The following PKIB variants were observed in gnomAD, a reference collection of about 807,000 sequenced individuals.
PKIB encodes the protein cAMP-dependent protein kinase inhibitor beta.
Under a neutral mutation model 4.5 loss-of-function variants are expected in PKIB, and 2 were observed. The ratio of observed to expected loss-of-function variants is 0.44; its 90% CI spans 0.18 to 1.39. PKIB has a LOEUF of 1.39. Among genes scored for constraint, PKIB ranks in the 40% most tolerant of loss-of-function variants. The pLI is 0.27. For missense variants in PKIB, 94 were observed against 92.6 expected, an observed-to-expected ratio of 1.02 and a Z score of -0.06; for synonymous variants, 38 against 36.0, an observed-to-expected ratio of 1.06 and a Z score of -0.20.
chr6:122,667,192 A>G (rs757339519), intron 2 of PKIB, among the ~76,000 whole-genome samples: 1 of 152,172 alleles, frequency 6.6e-6, no homozygotes, highest in Non-Finnish European at 1.5e-5. Flanking sequence ...TTTTCAATTT[A>G]TTTTATAATT....
At chr6:122,681,786 A>G (rs973387057) in intron 3 of PKIB, among the ~76,000 whole-genome samples, 12 of 152,202 alleles carry the variant, frequency 7.9e-5, no homozygotes, top group Non-Finnish European at 1.5e-4. Context: ...ATGATTTAGA[A>G]TTTTAGGAGT....
intron 1 of PKIB, among the ~76,000 whole-genome samples, chr6:122,632,833 T>C (rs1408678887): frequency 6.6e-6 from 1 of 152,178 alleles, no homozygotes; most frequent in Non-Finnish European, 1.5e-5. Context: ...TGAGAAAGGC[T>C]ATCATTCACC....
intron 2 of PKIB, among the ~76,000 whole-genome samples, chr6:122,633,827 C>T (rs1022388024): frequency 6.6e-6 from 1 of 152,190 alleles, no homozygotes; most frequent in African/African-American, 2.4e-5. Flanking sequence ...TCAGTACCTA[C>T]AATTAAATAT....
chr6:122,710,607 T>C (rs2115052769), intron 3 of PKIB, among the ~76,000 whole-genome samples: 1 of 152,294 alleles, frequency 6.6e-6, no homozygotes, highest in Admixed American at 6.5e-5. Context: ...AAATGCTGTG[T>C]TCCCTGTGAA....
At chr6:122,559,307 CT>C (rs930913076) in intron 2 of PKIB, among the ~76,000 whole-genome samples, 1 of 151,440 alleles carries the variant, frequency 6.6e-6, no homozygotes, top group African/African-American at 2.4e-5. Context: ...ATATATGCCA[CT>C]TTCCCCACTT....
At chr6:122,496,361 T>C (rs555900457) in intron 2 of PKIB, among the ~76,000 whole-genome samples, 23 of 152,328 alleles carry the variant, frequency 1.5e-4, no homozygotes, top group African/African-American at 5.5e-4. Flanking sequence ...AAAGGATCAT[T>C]CTTTTCAGAA....
intron 2 of PKIB, among the ~76,000 whole-genome samples, chr6:122,655,010 T>C (rs945711575): frequency 6.6e-6 from 1 of 152,188 alleles, no homozygotes; most frequent in Non-Finnish European, 1.5e-5. Context: ...AGAATTTAAC[T>C]CTTTTGCCCA....
intron 2 of PKIB, among the ~76,000 whole-genome samples, chr6:122,576,469 C>A (rs2114701249): frequency 6.6e-6 from 1 of 151,752 alleles, no homozygotes; most frequent in East Asian, 1.9e-4. Context: ...GAGATCAAGA[C>A]CATCCTGGCT....
At chr6:122,620,947 C>G (rs1775201188) in intron 1 of PKIB, among the ~76,000 whole-genome samples, 1 of 152,106 alleles carries the variant, frequency 6.6e-6, no homozygotes, top group Non-Finnish European at 1.5e-5. Flanking sequence ...GAGACCAGAT[C>G]CAGACCACCT....
chr6:122,670,808 A>G (rs1777433668), intron 2 of PKIB, among the ~76,000 whole-genome samples: 1 of 152,068 alleles, frequency 6.6e-6, no homozygotes, highest in Non-Finnish European at 1.5e-5. Flanking sequence ...GATTGTGTTC[A>G]CCATTGTAGT....
chr6:122,532,096 C>G (rs907475368), intron 2 of PKIB, among the ~76,000 whole-genome samples: 12 of 152,110 alleles, frequency 7.9e-5, no homozygotes, highest in African/African-American at 2.9e-4. Flanking sequence ...ATTTATGCAG[C>G]CTCATAGATA....
chr6:122,664,211 A>G (rs1408874794), intron 2 of PKIB, among the ~76,000 whole-genome samples: 2 of 152,200 alleles, frequency 1.3e-5, no homozygotes, highest in Non-Finnish European at 2.9e-5. Flanking sequence ...CAGCTGCTTC[A>G]TTGAGAATTG....
chr6:122,527,881 G>A (rs1404214802), intron 2 of PKIB, among the ~76,000 whole-genome samples: 2 of 152,118 alleles, frequency 1.3e-5, no homozygotes, highest in Non-Finnish European at 2.9e-5. Flanking sequence ...AAAGCAAACT[G>A]TAATAAAATG....
intron 2 of PKIB, among the ~76,000 whole-genome samples, chr6:122,666,907 C>T (rs1383517794): frequency 1.3e-5 from 2 of 151,910 alleles, no homozygotes; most frequent in Non-Finnish European, 2.9e-5. Context: ...GGCACTGGTT[C>T]GATTATAACC....
At chr6:122,613,773 A>C (rs9320882) in intron 1 of PKIB, among the ~76,000 whole-genome samples, 1 of 151,582 alleles carries the variant, frequency 6.6e-6, no homozygotes, top group East Asian at 1.9e-4. Context: ...AGACCATCCT[A>C]GCCAACATGG....
At chr6:122,660,794 A>G (rs1018324621) in intron 2 of PKIB, among the ~76,000 whole-genome samples, 2 of 152,212 alleles carry the variant, frequency 1.3e-5, no homozygotes, top group African/African-American at 4.8e-5. Flanking sequence ...AAGATAACAT[A>G]CTTGCAACAG....
chr6:122,524,471 G>A (rs1006220898), intron 2 of PKIB, among the ~76,000 whole-genome samples: 18 of 151,598 alleles, frequency 1.2e-4, no homozygotes, highest in Admixed American at 3.3e-4. Context: ...CCTTTGTCTG[G>A]CTTTGGTATC....
chr6:122,484,850 T>C (rs1411285732), intron 2 of PKIB, among the ~76,000 whole-genome samples: 3 of 152,222 alleles, frequency 2.0e-5, no homozygotes, highest in African/African-American at 7.2e-5. Flanking sequence ...AGCTGCAGCC[T>C]GACTTGATAG....
chr6:122,626,073 T>TATAGATAGATAGATAG (rs61494727), intron 1 of PKIB, among the ~76,000 whole-genome samples: 54 of 150,980 alleles, frequency 3.6e-4, no homozygotes, highest in African/African-American at 1.2e-3. Context: ...AATTTCAAAA[T>TATAGATAGATAGATAG]ATAGATAGAT....
Sources: allele counts gnomAD v4.1 joint callset (sites outside exome capture counted in the v4.1 genomes callset), GRCh38; gene constraint gnomAD v4.1.1; transcripts MANE v1.5; gene names NCBI Gene and HGNC (gene_info 2026-07-23, HGNC 2026-07-21).